The following MYO5B variants were observed in gnomAD, a reference collection of about 807,000 sequenced individuals.
MYO5B encodes the protein myosin VB.
In MYO5B, 143 loss-of-function variants were observed where a neutral mutation model predicts 229.3. That is an observed-to-expected ratio of 0.62 (90% CI 0.54 to 0.72). The LOEUF is 0.72. Ranked by LOEUF, MYO5B falls within the 30% of genes least tolerant of loss-of-function variation. MYO5B has a pLI of 0.00. For missense variants in MYO5B, 2,321 were observed against 2,331.0 expected, an observed-to-expected ratio of 1.00 and a Z score of 0.09; for synonymous variants, 918 against 885.2, an observed-to-expected ratio of 1.04 and a Z score of -0.66.
At chr18:50,134,297 T>A (rs1021717988) in intron 1 of MYO5B, among the ~76,000 whole-genome samples, 1 of 151,860 alleles carries the variant, frequency 6.6e-6, no homozygotes, top group South Asian at 2.1e-4. Flanking sequence ...GGCTCACGCC[T>A]GTAATCCCAG....
chr18:50,075,992 A>G (rs1839379359), intron 1 of MYO5B, among the ~76,000 whole-genome samples: 1 of 152,220 alleles, frequency 6.6e-6, no homozygotes. Flanking sequence ...GCAAACTGCA[A>G]TTTGAATCCA....
chr18:50,105,337 G>T (rs1308542796), intron 1 of MYO5B, among the ~76,000 whole-genome samples: 1 of 152,140 alleles, frequency 6.6e-6, no homozygotes, highest in Non-Finnish European at 1.5e-5. Context: ...CCTTTATGTT[G>T]TTCAGAGTGA....
At chr18:50,113,104 C>T (rs1402034988) in intron 1 of MYO5B, among the ~76,000 whole-genome samples, 1 of 152,140 alleles carries the variant, frequency 6.6e-6, no homozygotes, top group Non-Finnish European at 1.5e-5. Flanking sequence ...ATTCCCTGCC[C>T]GTCCCCACCA....
At chr18:50,182,343 G>C (rs1024831517) in intron 1 of MYO5B, among the ~76,000 whole-genome samples, 1 of 152,118 alleles carries the variant, frequency 6.6e-6, no homozygotes, top group Non-Finnish European at 1.5e-5. Flanking sequence ...AATACCCATG[G>C]GTCTTCATAA....
intron 21 of MYO5B, 75 bp downstream of exon 21, chr18:49,902,519 G>C: frequency 6.3e-7 from 1 of 1,592,544 alleles, no homozygotes; most frequent in South Asian, 1.1e-5. Context: ...AGTTCCTCAA[G>C]GAAGCTGTGG....
intron 21 of MYO5B, among the ~76,000 whole-genome samples, chr18:49,896,190 G>A (rs1354062102): frequency 6.6e-6 from 1 of 152,148 alleles, no homozygotes; most frequent in Non-Finnish European, 1.5e-5. Context: ...CACAGATGCT[G>A]TGGGGCCTTG....
intron 1 of MYO5B, among the ~76,000 whole-genome samples, chr18:50,181,898 G>C (rs947567084): frequency 6.6e-6 from 1 of 152,104 alleles, no homozygotes. Flanking sequence ...CCCTCATTAC[G>C]GAATTCAGGC....
chr18:49,988,118 G>A (rs554925444), intron 7 of MYO5B, among the ~76,000 whole-genome samples: 162 of 152,308 alleles, frequency 1.1e-3, no homozygotes, highest in Middle Eastern at 3.4e-3. Flanking sequence ...GCCAAGCCAA[G>A]GGGTCTTGCA....
intron 10 of MYO5B, among the ~76,000 whole-genome samples, 172 bp downstream of exon 10, chr18:49,974,178 G>A (rs1402493548): frequency 6.6e-6 from 1 of 152,160 alleles, no homozygotes; most frequent in Non-Finnish European, 1.5e-5. Flanking sequence ...AGCCTCCCTG[G>A]CCTCAGGCCC....
intron 13 of MYO5B, 119 bp downstream of exon 13, chr18:49,954,194 G>T (rs2025465478): frequency 6.8e-7 from 1 of 1,469,374 alleles, no homozygotes. Flanking sequence ...GGGGAACCTA[G>T]CTGAGGCTTC....
intron 7 of MYO5B, 116 bp downstream of exon 7, chr18:49,990,323 A>G (rs2025915640): frequency 2.4e-6 from 2 of 842,748 alleles, no homozygotes; most frequent in African/African-American, 3.4e-5. Flanking sequence ...ATGGCCACAT[A>G]AGAGGCAGAG....
At chr18:49,916,866 A>G (rs1336610858) in intron 17 of MYO5B, among the ~76,000 whole-genome samples, 1 of 152,232 alleles carries the variant, frequency 6.6e-6, no homozygotes. Flanking sequence ...TCTCCCAAGA[A>G]AGGCTCCCTC....
At chr18:50,106,050 C>CCCTGCATCCTCCG (rs1260063179) in intron 1 of MYO5B, among the ~76,000 whole-genome samples, 3 of 152,120 alleles carry the variant, frequency 2.0e-5, no homozygotes, top group Non-Finnish European at 1.5e-5. Flanking sequence ...CCCATCCTGC[C>CCCTGCATCCTCCG]CCTGCATCCT....
intron 10 of MYO5B, chr18:49,970,027 T>C (rs1287406661): frequency 6.6e-6 from 1 of 152,216 alleles, no homozygotes; most frequent in Non-Finnish European, 1.5e-5. Flanking sequence ...ATTGAAGCCG[T>C]TTATTTCTTG....
chr18:50,061,653 C>G (rs1035528145), intron 1 of MYO5B, among the ~76,000 whole-genome samples: 1 of 152,166 alleles, frequency 6.6e-6, no homozygotes, highest in Non-Finnish European at 1.5e-5. Flanking sequence ...ACCACTAACA[C>G]CCATATCCCA....
intron 12 of MYO5B, among the ~76,000 whole-genome samples, chr18:49,954,734 G>T (rs1245280349): frequency 6.6e-6 from 1 of 152,192 alleles, no homozygotes; most frequent in Non-Finnish European, 1.5e-5. Flanking sequence ...GGTCACAGGA[G>T]CAGAGTCACA....
intron 7 of MYO5B, 23 bp downstream of exon 7, chr18:49,990,416 T>G (rs755191876): frequency 6.3e-7 from 1 of 1,599,554 alleles, no homozygotes; most frequent in African/African-American, 1.3e-5. Flanking sequence ...CCCCAGAGGA[T>G]AGGCATGCAC....
At chr18:49,851,758 C>T (rs546747281) in intron 31 of MYO5B, among the ~76,000 whole-genome samples, 3 of 152,330 alleles carry the variant, frequency 2.0e-5, no homozygotes, top group Non-Finnish European at 2.9e-5. Flanking sequence ...CTGCCAAGCA[C>T]CTTGTGCTGT....
At chr18:49,939,740 T>C (rs2025293261) in intron 14 of MYO5B, among the ~76,000 whole-genome samples, 1 of 152,200 alleles carries the variant, frequency 6.6e-6, no homozygotes, top group Non-Finnish European at 1.5e-5. Flanking sequence ...TCAGAATTTG[T>C]TTCAATACAG....
Sources: gnomAD v4.1 joint callset for allele counts (sites outside exome capture counted in the v4.1 genomes callset) on GRCh38, gnomAD v4.1.1 for gene constraint, MANE v1.5 for transcripts, NCBI Gene and HGNC (gene_info 2026-07-23, HGNC 2026-07-21) for gene names.